KDM4C: variants seen among roughly 807,000 people sequenced by gnomAD.
The protein encoded by KDM4C is lysine demethylase 4C.
Under a neutral mutation model 129.3 loss-of-function variants are expected in KDM4C, and 81 were observed. The observed-to-expected ratio is 0.63, with a 90% CI of 0.52 to 0.75. KDM4C has a LOEUF of 0.75. KDM4C is among the 30% of genes least tolerant of loss of function. The pLI is 0.00. For missense variants in KDM4C, 1,457 were observed against 1,304.0 expected, an observed-to-expected ratio of 1.12 and a Z score of -1.81; for synonymous variants, 573 against 456.1, an observed-to-expected ratio of 1.26 and a Z score of -3.26.
chr9:6,774,606 A>C (rs994981871), intron 1 of KDM4C, among the ~76,000 whole-genome samples: 6 of 152,220 alleles, frequency 3.9e-5, no homozygotes, highest in African/African-American at 1.4e-4. Flanking sequence ...TGGAGATTGC[A>C]GTAAGCTGAG....
chr9:6,928,462 C>G (rs1371496977), intron 8 of KDM4C, among the ~76,000 whole-genome samples: 1 of 152,166 alleles, frequency 6.6e-6, no homozygotes, highest in African/African-American at 2.4e-5. Context: ...CCTGGTTAGA[C>G]CCTTTGTCAT....
chr9:6,849,388 T>C, intron 4 of KDM4C, 119 bp from the exon 5 acceptor site: 2 of 747,614 alleles, frequency 2.7e-6, no homozygotes, highest in Non-Finnish European at 4.0e-6. Flanking sequence ...TTTTCAGTTT[T>C]CAGTTAGTTA....
intron 3 of KDM4C, among the ~76,000 whole-genome samples, chr9:6,807,248 G>T (rs1022134184): frequency 5.9e-5 from 9 of 152,174 alleles, no homozygotes; most frequent in Admixed American, 5.9e-4. Flanking sequence ...TAACCTCCCA[G>T]CCGCCTGCCT....
At chr9:7,163,575 C>G (rs1844038660) in intron 19 of KDM4C, among the ~76,000 whole-genome samples, 1 of 152,160 alleles carries the variant, frequency 6.6e-6, no homozygotes, top group Non-Finnish European at 1.5e-5. Flanking sequence ...ACCCCAGCAC[C>G]TGGGCTTCAG....
At chr9:6,766,682 C>G (rs140609472) in intron 1 of KDM4C, among the ~76,000 whole-genome samples, 1 of 152,004 alleles carries the variant, frequency 6.6e-6, no homozygotes, top group Non-Finnish European at 1.5e-5. Flanking sequence ...TCTAGAAAGT[C>G]TCGGTCCCTG....
chr9:6,755,681 A>C (rs1449522481), upstream of KDM4C, among the ~76,000 whole-genome samples: 1 of 152,264 alleles, frequency 6.6e-6, no homozygotes, highest in Admixed American at 6.5e-5. Context: ...GCCTTCCATT[A>C]ATATATTGCA....
intron 6 of KDM4C, among the ~76,000 whole-genome samples, chr9:6,886,660 T>C (rs1845322694): frequency 6.6e-6 from 1 of 151,938 alleles, no homozygotes; most frequent in South Asian, 2.1e-4. Context: ...CCTCGCTAAT[T>C]TTTTTGTATT....
chr9:6,997,580 C>T (rs540070140), intron 12 of KDM4C, among the ~76,000 whole-genome samples: 1 of 152,328 alleles, frequency 6.6e-6, no homozygotes, highest in Non-Finnish European at 1.5e-5. Flanking sequence ...GCATCTGGCA[C>T]AAGCAGTTGC....
chr9:6,914,258 C>T (rs540221184), intron 8 of KDM4C, among the ~76,000 whole-genome samples: 7 of 152,176 alleles, frequency 4.6e-5, no homozygotes, highest in South Asian at 2.1e-4. Context: ...AGGGTTTCTC[C>T]GTGTTGGTCA....
At chr9:6,747,539 CAAAAAA>C (rs35996555) in intron 1 of KDM4C, among the ~76,000 whole-genome samples, 1 of 98,036 alleles carries the variant, frequency 1.0e-5, no homozygotes. Flanking sequence ...CAGGGCGATT[CAAAAAA>C]AAAAAAAAAA....
chr9:6,727,422 G>A (rs964745240), intron 1 of KDM4C: 10 of 151,024 alleles, frequency 6.6e-5, no homozygotes, highest in African/African-American at 2.2e-4. Context: ...TTGCACTCTA[G>A]CCTGGGCAAC....
chr9:6,741,604 T>A (rs1286968730), intron 1 of KDM4C, among the ~76,000 whole-genome samples: 1 of 152,034 alleles, frequency 6.6e-6, no homozygotes, highest in Non-Finnish European at 1.5e-5. Context: ...CTTAGTTTCC[T>A]TGTATCTAAG....
intron 19 of KDM4C, among the ~76,000 whole-genome samples, chr9:7,146,113 A>G (rs1236778708): frequency 6.6e-6 from 1 of 152,256 alleles, no homozygotes. Context: ...AGGATATTTA[A>G]TGATGCAATA....
intron 8 of KDM4C, among the ~76,000 whole-genome samples, chr9:6,932,840 A>G (rs1307457461): frequency 1.3e-5 from 2 of 152,240 alleles, no homozygotes; most frequent in Non-Finnish European, 2.9e-5. Flanking sequence ...CGTACAATAC[A>G]CAGGGCAGCC....
At chr9:6,904,890 CAAAAG>C (rs1302765235) in intron 8 of KDM4C, among the ~76,000 whole-genome samples, 1 of 147,988 alleles carries the variant, frequency 6.8e-6, no homozygotes, top group Non-Finnish European at 1.5e-5. Context: ...GGGAATAACA[CAAAAG>C]AAAAAAAAAC....
chr9:6,748,980 A>G (rs1478899591), intron 1 of KDM4C: 6 of 826,564 alleles, frequency 7.3e-6, no homozygotes, highest in Non-Finnish European at 1.1e-5. Context: ...ACTGTATGCC[A>G]TGGTGGAATT....
Position 7,174,742 on chromosome 9 carries a change from G to A in KDM4C, c.*13G>A, listed in dbSNP as rs1306092592. 1.1e-5 allele frequency: 17 copies of A among 1,609,490 alleles called. No homozygotes were observed. Among genetic ancestry groups the A allele is most frequent in the Non-Finnish European group, 1.4e-5 (17 of 1,176,226 alleles). On this transcript the variant is annotated 3_prime_UTR_variant, in exon 22 of 22. Transcript: ENST00000381309. ...GAAGAGACAGTAGTCTGCATACATC[G>A]CTGCAGGCCACAGAGCAGCTTGGGT... is the stretch of plus-strand genomic sequence containing the variant.
At chr9:7,083,421 A>G (rs1834759812) in intron 17 of KDM4C, among the ~76,000 whole-genome samples, 1 of 152,220 alleles carries the variant, frequency 6.6e-6, no homozygotes, top group Non-Finnish European at 1.5e-5. Flanking sequence ...GAAGTGCATC[A>G]TTACGCAGTT....
chr9:6,800,686 G>A (rs1828774222), intron 2 of KDM4C, among the ~76,000 whole-genome samples: 1 of 152,144 alleles, frequency 6.6e-6, no homozygotes, highest in South Asian at 2.1e-4. Context: ...GAGCGCAGTG[G>A]TGTGATCTTG....
Sources: allele counts gnomAD v4.1 joint callset (sites outside exome capture counted in the v4.1 genomes callset), GRCh38; gene constraint gnomAD v4.1.1; transcripts MANE v1.5; gene names NCBI Gene and HGNC (gene_info 2026-07-23, HGNC 2026-07-21).